The following NELL1 variants were observed in gnomAD, a reference collection of about 807,000 sequenced individuals.
The protein encoded by NELL1 is neural EGFL like 1.
In NELL1, 76 loss-of-function variants were observed where a neutral mutation model predicts 107.4. That is an observed-to-expected ratio of 0.71 (90% CI 0.59 to 0.86). The LOEUF is 0.86. Among genes scored for constraint, NELL1 ranks in the 40% least tolerant of loss-of-function variants. The probability of loss-of-function intolerance (pLI) is 0.00; values close to 1 mark genes in which losing one functional copy is unlikely to be tolerated. For missense variants in NELL1, 1,024 were observed against 1,005.5 expected, an observed-to-expected ratio of 1.02 and a Z score of -0.25; for synonymous variants, 353 against 341.2, an observed-to-expected ratio of 1.03 and a Z score of -0.38.
chr11:20,816,363 G>A lies in NELL1; in HGVS notation c.336-31220G>A, dbSNP rs74903934. 9.0e-3 allele frequency among the ~76,000 whole-genome samples: 1,370 copies of A among 151,866 alleles called. 22 individuals are homozygous for A. Among genetic ancestry groups the A allele is most frequent in the African/African-American group, 0.031 (1,273 of 41,488 alleles). ...ATAGTTGTCCATGTAGAGATCTTTC[G>A]TTTTGGTTAGACTTATTCCTAGGTA... On this transcript the variant is annotated intron_variant, in intron 3 of 19. Transcript: ENST00000357134.
At chr11:20,723,752 A>G (rs1279826897) in intron 2 of NELL1, among the ~76,000 whole-genome samples, 1 of 151,774 alleles carries the variant, frequency 6.6e-6, no homozygotes, top group African/African-American at 2.4e-5. Flanking sequence ...CTCCAACCCC[A>G]CATTTTCCTT....
intron 13 of NELL1, among the ~76,000 whole-genome samples, chr11:21,187,657 C>T (rs1321923073): frequency 6.6e-6 from 1 of 151,686 alleles, no homozygotes. Context: ...CTCTTCTGAC[C>T]TCTTCTGTCC....
chr11:20,724,422 A>G (rs945484018), intron 2 of NELL1, among the ~76,000 whole-genome samples: 4 of 152,130 alleles, frequency 2.6e-5, no homozygotes, highest in African/African-American at 9.7e-5. Context: ...AAGACAGGTC[A>G]CCTCTTAAAT....
intron 9 of NELL1, among the ~76,000 whole-genome samples, chr11:20,930,827 G>A (rs1178387814): frequency 1.6e-5 from 2 of 127,966 alleles, no homozygotes; most frequent in East Asian, 2.2e-4. Flanking sequence ...TTTTCCCTTT[G>A]CATGGAATTC....
At chr11:21,142,659 G>T (rs1855894362) in intron 13 of NELL1, among the ~76,000 whole-genome samples, 1 of 152,160 alleles carries the variant, frequency 6.6e-6, no homozygotes, top group Non-Finnish European at 1.5e-5. Context: ...GCCTCCTGAT[G>T]GTGGCAGAAG....
chr11:21,077,745 G>GAA lies in NELL1; in HGVS notation c.1301-35832_1301-35831dup, dbSNP rs11381496. Reference sequence around the variant, plus strand: ...GCGACAGAGTGAGACTCTGTCTCAGGAAAAAAAAAAAAAGAAGAATTAAAA... The same window carrying GAA: ...GCGACAGAGTGAGACTCTGTCTCAGGAAAAAAAAAAAAAAAGAAGAATTAAAA... On this transcript the variant is annotated intron_variant, in intron 12 of 19. Coordinates refer to ENST00000357134, the MANE Select transcript of NELL1 (RefSeq NM_006157.5). 3.6e-4 allele frequency among the ~76,000 whole-genome samples: 49 copies of GAA among 137,592 alleles called. 1 individual carries two copies. Among genetic ancestry groups the GAA allele is most frequent in the South Asian group, 4.7e-4 (2 of 4,278 alleles). The allele number at this position is 137,592 out of a possible 152,430, so 90.3% of individuals were successfully genotyped here.
At chr11:20,713,491 T>C (rs1049759941) in intron 2 of NELL1, among the ~76,000 whole-genome samples, 1 of 152,168 alleles carries the variant, frequency 6.6e-6, no homozygotes, top group Non-Finnish European at 1.5e-5. Context: ...ACCCACGCAG[T>C]TGGTGAGGCT....
intron 14 of NELL1, among the ~76,000 whole-genome samples, chr11:21,309,312 A>ATGTAT (rs1446101037): frequency 7.7e-6 from 1 of 129,978 alleles, no homozygotes; most frequent in African/African-American, 3.1e-5. Flanking sequence ...ATATATATAT[A>ATGTAT]ATATATATAT....
Position 21,007,266 on chromosome 11 carries a change from T to C in NELL1, c.1300+46706T>C, listed in dbSNP as rs185534544. On this transcript the variant is annotated intron_variant, in intron 12 of 19. Transcript: ENST00000357134. ...AGGCATTTCTGAAATCACTAGAACC[T>C]TTAAACTTGCTACAAATGTCAGTTT... is the stretch of plus-strand genomic sequence containing the variant. 6.6e-5 allele frequency among the ~76,000 whole-genome samples: 10 copies of C among 152,270 alleles called. No homozygotes were observed. In the East Asian group the frequency reaches 1.2e-3, roughly 18 times the overall value.
rs1253606346 is a variant in NELL1 at position 21,560,373 on chromosome 11, CTCCTGCA to C, written c.1972_1978del (p.Ser658ArgfsTer36). 1 of 1,579,464 alleles carries C rather than the reference CTCCTGCA, an allele frequency of 6.3e-7. No homozygotes were observed. Among genetic ancestry groups the C allele is most frequent in the Non-Finnish European group, 8.6e-7 (1 of 1,164,394 alleles). ...TGAAAGAAGACAGGTGTTCTGTCTGCTCCTGCAAGGTGAGGCTGATGTGGTGCAGCAG... is the reference window on the plus strand; with the variant it reads ...TGAAAGAAGACAGGTGTTCTGTCTGCAGGTGAGGCTGATGTGGTGCAGCAG... On this transcript the variant is annotated frameshift_variant and splice_region_variant, in exon 17 of 20. Coordinates refer to ENST00000357134, the MANE Select transcript of NELL1 (RefSeq NM_006157.5). LOFTEE classifies it high-confidence loss of function.
chr11:20,672,979 C>CT (rs1184978726), intron 1 of NELL1, among the ~76,000 whole-genome samples: 2 of 95,732 alleles, frequency 2.1e-5, no homozygotes, highest in Non-Finnish European at 4.0e-5. Flanking sequence ...AGCCCCCCCC[C>CT]CCCCCCCCGA....
At chr11:21,401,581 T>A (rs1238449493) in intron 15 of NELL1, among the ~76,000 whole-genome samples, 1 of 151,078 alleles carries the variant, frequency 6.6e-6, no homozygotes, top group African/African-American at 2.5e-5. Context: ...TGGTTCATCA[T>A]CTCAGATCTG....
intron 16 of NELL1, among the ~76,000 whole-genome samples, chr11:21,535,338 G>A (rs1319555429): frequency 6.6e-6 from 1 of 152,172 alleles, no homozygotes; most frequent in Non-Finnish European, 1.5e-5. Context: ...TAGGGGCCAA[G>A]CATTCTGACC....
chr11:21,566,701 C>T (rs1856982215), intron 17 of NELL1, among the ~76,000 whole-genome samples: 1 of 150,078 alleles, frequency 6.7e-6, no homozygotes, highest in Non-Finnish European at 1.5e-5. Context: ...AAAAGGATTA[C>T]TTATCATCAG....
rs754988797 is a variant in NELL1 at position 21,194,012 on chromosome 11, ATG to A, written c.1427-35319_1427-35318del. Reference sequence around the variant, plus strand: ...AATTTTATTTCTGTTGAGCCAGATAATGATTATAATGTTAGTGTCCTTCACAT... The same window carrying A: ...AATTTTATTTCTGTTGAGCCAGATAAATTATAATGTTAGTGTCCTTCACAT... On this transcript the variant is annotated intron_variant, in intron 13 of 19. Transcript: ENST00000357134. Among the ~76,000 whole-genome samples the A allele has an allele frequency of 3.6e-3, 548 of 152,000 alleles. 4 individuals are homozygous for A. The highest frequency in any genetic ancestry group is 5.6e-3 in the Non-Finnish European group (384 of 68,034).
chr11:21,486,593 A>G (rs532156796), intron 15 of NELL1, among the ~76,000 whole-genome samples: 6 of 152,316 alleles, frequency 3.9e-5, no homozygotes, highest in Non-Finnish European at 7.4e-5. Flanking sequence ...ACACTTGGAA[A>G]GAGACACAGT....
At chr11:20,892,652 C>G (rs922264610) in intron 5 of NELL1, among the ~76,000 whole-genome samples, 1 of 152,206 alleles carries the variant, frequency 6.6e-6, no homozygotes, top group African/African-American at 2.4e-5. Context: ...TGGCTCAGGC[C>G]AGACACGGTG....
chr11:21,239,046 C>T (rs914252898), intron 14 of NELL1, among the ~76,000 whole-genome samples: 3 of 151,992 alleles, frequency 2.0e-5, no homozygotes, highest in Non-Finnish European at 4.4e-5. Context: ...ACTTATGATA[C>T]TTAGGTTAGT....
chr11:20,769,960 C>T (rs1856609069), intron 2 of NELL1, among the ~76,000 whole-genome samples: 1 of 152,120 alleles, frequency 6.6e-6, no homozygotes, highest in African/African-American at 2.4e-5. Flanking sequence ...GGGAGCCTAC[C>T]AGCATCCTTT....
Sources: allele counts gnomAD v4.1 joint callset (sites outside exome capture counted in the v4.1 genomes callset), GRCh38; gene constraint gnomAD v4.1.1; transcripts MANE v1.5; gene names NCBI Gene and HGNC (gene_info 2026-07-23, HGNC 2026-07-21).